The following WIPI2 variants were observed in gnomAD, a reference collection of about 807,000 sequenced individuals.
The protein encoded by WIPI2 is WD repeat domain, phosphoinositide interacting 2.
A neutral mutation model predicts 52.3 loss-of-function variants in WIPI2; 28 were observed. The observed-to-expected ratio is 0.54, with a 90% CI of 0.40 to 0.73. WIPI2 has a LOEUF of 0.73. Ranked by LOEUF, WIPI2 falls within the 30% of genes least tolerant of loss-of-function variation. The probability of loss-of-function intolerance (pLI) is 0.00; values close to 1 mark genes in which losing one functional copy is unlikely to be tolerated. For synonymous variants in WIPI2, 268 were observed against 245.0 expected, an observed-to-expected ratio of 1.09 and a Z score of -0.88; for missense variants, 506 against 602.9, an observed-to-expected ratio of 0.84 and a Z score of 1.68.
At chr7:5,223,353 C>T (rs949525335) in intron 8 of WIPI2, among the ~76,000 whole-genome samples, 1 of 152,212 alleles carries the variant, frequency 6.6e-6, no homozygotes, top group Non-Finnish European at 1.5e-5. Flanking sequence ...GTACCTCCCT[C>T]CCTGAAGGTG....
intron 3 of WIPI2, among the ~76,000 whole-genome samples, chr7:5,208,221 G>A (rs976900332): frequency 3.9e-5 from 6 of 152,128 alleles, no homozygotes; most frequent in African/African-American, 1.2e-4. Flanking sequence ...CTTCCTCTGT[G>A]ACATGTCTGT....
Position 5,230,956 on chromosome 7 carries a change from T to C in WIPI2, c.*9T>C, listed in dbSNP as rs1179150192. 3.1e-6 allele frequency: 5 copies of C among 1,606,642 alleles called. No homozygotes were observed. The highest frequency in any genetic ancestry group is 4.3e-6 in the Non-Finnish European group (5 of 1,175,886). On this transcript the variant is annotated 3_prime_UTR_variant, in exon 13 of 13. Transcript: ENST00000288828. The surrounding 1 kb of genome is among the most constrained non-coding windows in gnomAD (Gnocchi z 4.8). Reference sequence around the variant, plus strand: ...TTCTTCGGACTGACTGAACTTGACCTGTGACCTCTGACCCGGGGAGCAGAG... The same window carrying C: ...TTCTTCGGACTGACTGAACTTGACCCGTGACCTCTGACCCGGGGAGCAGAG...
chr7:5,202,559 T>A (rs936899131), intron 3 of WIPI2, among the ~76,000 whole-genome samples: 3 of 152,174 alleles, frequency 2.0e-5, no homozygotes, highest in East Asian at 1.9e-4. Context: ...GATTTTTTTT[T>A]AATTTTTGTA....
chr7:5,203,337 C>G (rs1224119171), intron 3 of WIPI2, among the ~76,000 whole-genome samples: 1 of 152,196 alleles, frequency 6.6e-6, no homozygotes, highest in African/African-American at 2.4e-5. Context: ...TACCTTGCAT[C>G]CTGGCGGAGC....
At chr7:5,203,692 G>A (rs1782145327) in intron 3 of WIPI2, among the ~76,000 whole-genome samples, 1 of 146,936 alleles carries the variant, frequency 6.8e-6, no homozygotes, top group African/African-American at 2.5e-5. Context: ...GAGTGTAGTG[G>A]CGCAATCTTG....
chr7:5,191,416 C>G (rs75797310), intron 1 of WIPI2, among the ~76,000 whole-genome samples: 91 of 152,298 alleles, frequency 6.0e-4, no homozygotes, highest in East Asian at 1.5e-3. Flanking sequence ...TAGGGAGAAA[C>G]TGAGCCAAGA....
chr7:5,197,973 G>T (rs1250995421), intron 2 of WIPI2, among the ~76,000 whole-genome samples: 1 of 152,214 alleles, frequency 6.6e-6, no homozygotes, highest in East Asian at 1.9e-4. Flanking sequence ...CTTTTCTGAT[G>T]AGGAAACCCC....
Position 5,214,812 on chromosome 7 carries a change from C to A in WIPI2, c.381+108C>A. 5.4e-6 allele frequency: 7 copies of A among 1,303,068 alleles called. No individual in the cohort carries two copies. The African/African-American group carries it at 5.8e-5, about 11-fold the overall frequency. The allele number at this position is 1,303,068 out of a possible 1,614,324, so 80.7% of individuals were successfully genotyped here. The stretch of plus-strand genomic sequence containing the variant: ...CTCCGTCATTCCCTTGCTGCCTGGC[C>A]CCACGTTGCCGGGCACAGATCCTTG... On this transcript the variant is annotated intron_variant, in intron 4 of 12. Coordinates refer to ENST00000288828, the MANE Select transcript of WIPI2 (RefSeq NM_015610.4).
chr7:5,190,523 G>A, intron 1 of WIPI2, 30 bp downstream of exon 1: 1 of 1,477,636 alleles, frequency 6.8e-7, no homozygotes, highest in Non-Finnish European at 9.0e-7. Flanking sequence ...TCGGAGTCGG[G>A]GTGAGGCCAG....
chr7:5,212,681 C>G (rs987498771), intron 3 of WIPI2, among the ~76,000 whole-genome samples: 5 of 152,188 alleles, frequency 3.3e-5, no homozygotes, highest in Admixed American at 6.5e-5. Flanking sequence ...CCACGCCCAG[C>G]TAATTTTTGT....
At chr7:5,210,806 C>G (rs567966627) in intron 3 of WIPI2, among the ~76,000 whole-genome samples, 8 of 152,164 alleles carry the variant, frequency 5.3e-5, no homozygotes, top group East Asian at 1.9e-4. Context: ...GGCCTCTGGT[C>G]GCAACATTTT....
At chr7:5,199,532 T>C in intron 2 of WIPI2, 44 bp from the exon 3 acceptor site, 3 of 1,557,250 alleles carry the variant, frequency 1.9e-6, no homozygotes, top group Non-Finnish European at 2.6e-6. Flanking sequence ...ATTGTCACTG[T>C]CTGCACGTAT....
At chr7:5,222,568 G>A in intron 7 of WIPI2, 34 bp from the exon 8 acceptor site, 1 of 1,600,440 alleles carries the variant, frequency 6.2e-7, no homozygotes, top group Non-Finnish European at 8.6e-7. Context: ...TTTTAACTCA[G>A]CTCAAATTCT....
At chr7:5,207,728 G>T (rs1782360809) in intron 3 of WIPI2, among the ~76,000 whole-genome samples, 1 of 150,150 alleles carries the variant, frequency 6.7e-6, no homozygotes, top group Admixed American at 6.6e-5. Context: ...GGTTCTGTCA[G>T]TGCTGTATGA....
intron 6 of WIPI2, 139 bp downstream of exon 6, chr7:5,217,326 AC>A: frequency 2.2e-6 from 2 of 910,906 alleles, no homozygotes; most frequent in Non-Finnish European, 3.4e-6. Context: ...TGTTTTTGAG[AC>A]AGGGTCTGGC....
At chr7:5,226,862 C>G (rs923244735) in intron 9 of WIPI2, 3 of 245,338 alleles carry the variant, frequency 1.2e-5, no homozygotes, top group Non-Finnish European at 2.3e-5. Context: ...AGAGACCTAG[C>G]AGGGGTCATC....
At chr7:5,218,057 C>G (rs1421335333) in intron 7 of WIPI2, 43 bp downstream of exon 7, 1 of 1,600,188 alleles carries the variant, frequency 6.2e-7, no homozygotes, top group Admixed American at 1.7e-5. Context: ...GCCAAGGCGT[C>G]CACAGACTTT....
chr7:5,217,822 T>A, intron 6 of WIPI2, 100 bp from the exon 7 acceptor site: 1 of 1,150,478 alleles, frequency 8.7e-7, no homozygotes, highest in Non-Finnish European at 1.3e-6. Context: ...CGTAATGGTG[T>A]TTTAGGAACA....
At chr7:5,191,020 T>TG (rs1781457525) in intron 1 of WIPI2, among the ~76,000 whole-genome samples, 1 of 151,974 alleles carries the variant, frequency 6.6e-6, no homozygotes, top group Non-Finnish European at 1.5e-5. Context: ...TTTTGTTTTT[T>TG]GGGGTTTGTT....
Sources: gnomAD v4.1 joint callset for allele counts (sites outside exome capture counted in the v4.1 genomes callset) on GRCh38, gnomAD v4.1.1 for gene constraint, Gnocchi (gnomAD v3.1) non-coding constraint, MANE v1.5 for transcripts, NCBI Gene and HGNC (gene_info 2026-07-23, HGNC 2026-07-21) for gene names.